The following TLE4 variants were observed in gnomAD, a reference collection of about 807,000 sequenced individuals.
TLE4 encodes the protein transducin-like enhancer protein 4.
A neutral mutation model predicts 92.8 loss-of-function variants in TLE4; 8 were observed. The ratio of observed to expected loss-of-function variants is 0.09; its 90% CI spans 0.05 to 0.16. The LOEUF (loss-of-function observed/expected upper bound fraction) is 0.16, where lower values mean the gene tolerates loss of function less well. Among genes scored for constraint, TLE4 ranks in the 10% least tolerant of loss-of-function variants. TLE4 has a pLI of 1.00. For synonymous variants in TLE4, 371 were observed against 374.1 expected (o/e 0.99, Z 0.10); for missense variants, 675 against 997.6 (o/e 0.68, Z 4.36).
intron 6 of TLE4, among the ~76,000 whole-genome samples, chr9:79,645,181 A>G (rs1347837035): frequency 6.6e-6 from 1 of 152,230 alleles, no homozygotes; most frequent in Non-Finnish European, 1.5e-5. Context: ...TAGTCTAGAT[A>G]GCTTTCTTGA....
At chr9:79,594,527 G>C (rs1364508617) in intron 4 of TLE4, among the ~76,000 whole-genome samples, 1 of 151,466 alleles carries the variant, frequency 6.6e-6, no homozygotes, top group Non-Finnish European at 1.5e-5. Flanking sequence ...TTTTTTTTGG[G>C]AGATTCATGC....
chr9:79,612,621 C>T (rs747175567), intron 4 of TLE4, 35 bp from the exon 5 acceptor site: 2 of 1,584,392 alleles, frequency 1.3e-6, no homozygotes, highest in Non-Finnish European at 1.7e-6. Flanking sequence ...GCTGACTGTT[C>T]TCTTTATTGC....
Position 79,652,537 on chromosome 9 carries a change from G to A in TLE4, c.391-56G>A, listed in dbSNP as rs1260681384. 55 of 1,590,540 alleles carry A rather than the reference G, an allele frequency of 3.5e-5. No homozygotes were observed. In the East Asian group the frequency reaches 1.2e-3, roughly 36 times the overall value. On this transcript the variant is annotated intron_variant, in intron 6 of 19. Transcript: ENST00000376552. ...TATGCCTCCTTTCTGTTTCTCTTGG[G>A]GCAGGGGTTGGATATGGGGGCAAAT...
At chr9:79,631,663 T>TGTGTGTGTGTGTGTGTG (rs1312981283) in intron 6 of TLE4, among the ~76,000 whole-genome samples, 4 of 148,780 alleles carry the variant, frequency 2.7e-5, no homozygotes, top group Non-Finnish European at 3.0e-5. Flanking sequence ...TGTGTGTGTG[T>TGTGTGTGTGTGTGTGTG]TTTCTACATT....
At chr9:79,617,725 G>GAT (rs1476694228) in intron 5 of TLE4, among the ~76,000 whole-genome samples, 2 of 151,942 alleles carry the variant, frequency 1.3e-5, no homozygotes, top group African/African-American at 4.8e-5. Flanking sequence ...GGTATAATGG[G>GAT]ATACCTGTAC....
intron 8 of TLE4, among the ~76,000 whole-genome samples, chr9:79,672,967 C>CA (rs1207595620): frequency 2.0e-5 from 3 of 152,100 alleles, no homozygotes; most frequent in Non-Finnish European, 4.4e-5. Flanking sequence ...CACAGGGACT[C>CA]AATTAAAAAT....
In TLE4 at chr9:79,708,179, C is replaced by G; in HGVS notation, c.998C>G (p.Pro333Arg). ...SNTPTPRTDA[P>R]TPGSNSTPGL... Reference sequence around the variant, plus strand: ...ACCCCTACTCCACGAACTGATGCGCCCACCCCAGGCAGTAACTCTACTCCC... The same window carrying G: ...ACCCCTACTCCACGAACTGATGCGCGCACCCCAGGCAGTAACTCTACTCCC... Residue 333 changes from proline to arginine, a missense_variant, in exon 12 of 20, where the codon CCC (proline) becomes CGC (arginine). Pro to Arg is a moderately radical substitution (Grantham distance 103). Around this residue, in one of 5 missense-constraint regions of TLE4, gnomAD observed 280 missense variants for 287.3 expected, o/e 0.97. Coordinates refer to ENST00000376552, the MANE Select transcript of TLE4 (RefSeq NM_007005.6). 1 of 1,614,142 alleles carries G rather than the reference C, an allele frequency of 6.2e-7. No individual in the cohort carries two copies. Among genetic ancestry groups the G allele is most frequent in the East Asian group, 2.2e-5 (1 of 44,878 alleles).
At position 79,712,217 on chromosome 9, in the gene TLE4, T is replaced by C. The variant is rs147394826; in HGVS notation, c.1340+2518T>C. Among the ~76,000 whole-genome samples the C allele has an allele frequency of 2.2e-3, 330 of 152,372 alleles. 1 individual carries two copies. The highest frequency in any genetic ancestry group is 7.6e-3 in the African/African-American group (318 of 41,588). Reference sequence around the variant, plus strand: ...ATATTATTCATTTTTCAGCTACTTATGTAGTAGGAGGTACATTGTGTTTTA... The same window carrying C: ...ATATTATTCATTTTTCAGCTACTTACGTAGTAGGAGGTACATTGTGTTTTA... On this transcript the variant is annotated intron_variant, in intron 14 of 19. Transcript: ENST00000376552.
At chr9:79,659,569 A>C (rs1262033292) in intron 8 of TLE4, among the ~76,000 whole-genome samples, 3 of 152,088 alleles carry the variant, frequency 2.0e-5, no homozygotes, top group African/African-American at 7.2e-5. Flanking sequence ...GATCTCTGTT[A>C]GGTCTCTATA....
At chr9:79,704,729 T>A in intron 8 of TLE4, 54 bp from the exon 9 acceptor site, 1 of 1,569,552 alleles carries the variant, frequency 6.4e-7, no homozygotes, top group East Asian at 2.3e-5. Context: ...TAAAAATCAC[T>A]CGGCTAAATA....
intron 4 of TLE4, among the ~76,000 whole-genome samples, chr9:79,582,542 T>C (rs1050400326): frequency 5.9e-5 from 9 of 152,314 alleles, no homozygotes; most frequent in Non-Finnish European, 1.0e-4. Flanking sequence ...ATTTCTTCTT[T>C]TTTTTCTTGT....
intron 4 of TLE4, among the ~76,000 whole-genome samples, chr9:79,588,074 T>C (rs2041597789): frequency 6.6e-6 from 1 of 152,104 alleles, no homozygotes; most frequent in African/African-American, 2.4e-5. Context: ...CATTCTGGTT[T>C]TGAACCACTG....
At chr9:79,651,847 A>G (rs1365278439) in intron 6 of TLE4, among the ~76,000 whole-genome samples, 1 of 152,056 alleles carries the variant, frequency 6.6e-6, no homozygotes, top group Non-Finnish European at 1.5e-5. Flanking sequence ...GTTTAACACT[A>G]ATTTTCTCAA....
At chr9:79,709,019 G>A (rs185773210) in intron 13 of TLE4, among the ~76,000 whole-genome samples, 109 of 152,190 alleles carry the variant, frequency 7.2e-4, no homozygotes, top group Non-Finnish European at 1.4e-3. Flanking sequence ...TTTCTGTAGA[G>A]GCAGGGTTTC....
intron 4 of TLE4, among the ~76,000 whole-genome samples, chr9:79,590,027 T>C (rs557393728): frequency 6.6e-6 from 1 of 152,342 alleles, no homozygotes; most frequent in African/African-American, 2.4e-5. Context: ...GAACCTGTTT[T>C]ACTTGGACTT....
chr9:79,707,843 G>A (rs1280101986), intron 11 of TLE4, among the ~76,000 whole-genome samples: 1 of 152,194 alleles, frequency 6.6e-6, no homozygotes, highest in Admixed American at 6.5e-5. Flanking sequence ...GGACATCCTG[G>A]TTTGTGAGCC....
chr9:79,593,871 TAACTTTACAGTTTCTTC>T (rs1027162791), intron 4 of TLE4, among the ~76,000 whole-genome samples: 1 of 152,234 alleles, frequency 6.6e-6, no homozygotes, highest in Non-Finnish European at 1.5e-5. Context: ...GACTTATTGG[TAACTTTACAGTTTCTTC>T]AACTCCTTAT....
Position 79,721,941 on chromosome 9 carries a change from C to T in TLE4, c.1986+53C>T, listed in dbSNP as rs376797632. On this transcript the variant is annotated intron_variant, in intron 17 of 19. Coordinates refer to ENST00000376552, the MANE Select transcript of TLE4 (RefSeq NM_007005.6). ...AGATACGGTTTTAGGCTGAGGTGGG[C>T]GGATCACCAGGTCAGGGAATCGAGA... 62 of 1,571,012 alleles carry T rather than the reference C, an allele frequency of 3.9e-5. No individual in the cohort carries two copies. The African/African-American group carries it at 5.5e-4, about 14-fold the overall frequency.
chr9:79,713,683 T>C (rs1048178080), intron 14 of TLE4, among the ~76,000 whole-genome samples: 1 of 152,220 alleles, frequency 6.6e-6, no homozygotes, highest in Non-Finnish European at 1.5e-5. Flanking sequence ...ACCATGTTTC[T>C]TTTTTCCTGA....
Sources: gnomAD v4.1 joint callset for allele counts (sites outside exome capture counted in the v4.1 genomes callset) on GRCh38, gnomAD v4.1.1 for gene constraint, gnomAD v4.1.1 regional missense constraint, MANE v1.5 for transcripts, NCBI Gene and HGNC (gene_info 2026-07-23, HGNC 2026-07-21) for gene names.